The following PDSS2 variants were observed in gnomAD, a reference collection of about 807,000 sequenced individuals.
PDSS2 encodes decaprenyl diphosphate synthase subunit 2, also known as all trans-polyprenyl-diphosphate synthase PDSS2.
Under a neutral mutation model 44.5 loss-of-function variants are expected in PDSS2, and 31 were observed. That is an observed-to-expected ratio of 0.70 (90% CI 0.52 to 0.94). The LOEUF is 0.94. PDSS2 is among the 40% of genes least tolerant of loss of function. The pLI, the probability that PDSS2 is intolerant of heterozygous loss-of-function variation, is 0.00. For synonymous variants in PDSS2, 157 were observed against 180.3 expected (o/e 0.87, Z 1.03); for missense variants, 452 against 482.2 (o/e 0.94, Z 0.59).
At chr6:107,397,443 T>C (rs1300412706) in intron 1 of PDSS2, among the ~76,000 whole-genome samples, 2 of 152,158 alleles carry the variant, frequency 1.3e-5, no homozygotes, top group East Asian at 3.9e-4. Context: ...AATGGTGAAA[T>C]TTATTAACTT....
intron 1 of PDSS2, among the ~76,000 whole-genome samples, chr6:107,439,429 A>G (rs1289143595): frequency 1.3e-5 from 2 of 152,246 alleles, no homozygotes; most frequent in African/African-American, 4.8e-5. Flanking sequence ...ATTAAATTGC[A>G]TATCAGATCA....
chr6:107,414,281 C>T (rs985405147), intron 1 of PDSS2, among the ~76,000 whole-genome samples: 4 of 152,150 alleles, frequency 2.6e-5, no homozygotes, highest in African/African-American at 4.8e-5. Context: ...GTAATTATTC[C>T]TAAAATGGAG....
intron 1 of PDSS2, among the ~76,000 whole-genome samples, chr6:107,449,144 C>T (rs1781783999): frequency 6.6e-6 from 1 of 152,240 alleles, no homozygotes; most frequent in African/African-American, 2.4e-5. Context: ...TTTGTATTTA[C>T]ACTCCTCCCT....
chr6:107,170,509 G>C (rs558655854), intron 7 of PDSS2, among the ~76,000 whole-genome samples: 1 of 152,008 alleles, frequency 6.6e-6, no homozygotes, highest in Admixed American at 6.6e-5. Context: ...AGATGAACCC[G>C]GTACCTCAGT....
chr6:107,162,889 G>A (rs1554246949), intron 7 of PDSS2, among the ~76,000 whole-genome samples: 1 of 152,148 alleles, frequency 6.6e-6, no homozygotes, highest in African/African-American at 2.4e-5. Flanking sequence ...ACAGGCATGA[G>A]CCACTGTGCC....
At chr6:107,268,063 AAGGT>A (rs1305359210) in intron 3 of PDSS2, among the ~76,000 whole-genome samples, 1 of 152,156 alleles carries the variant, frequency 6.6e-6, no homozygotes, top group Non-Finnish European at 1.5e-5. Flanking sequence ...ACATGATGAG[AAGGT>A]AGGGCAGAAT....
Position 107,264,340 on chromosome 6 carries a change from T to C in PDSS2, c.630+9689A>G, listed in dbSNP as rs994810868. The stretch of plus-strand genomic sequence containing the variant: ...TTAACATAAGGAAATACATCAGCTA[T>C]GTAAAGAGTACATCTGTGCCACTGG... On this transcript the variant is annotated intron_variant, in intron 3 of 7. Transcript: ENST00000369037. 4.6e-5 allele frequency: 69 copies of C among 1,499,196 alleles called. 1 individual carries two copies. The highest frequency in any genetic ancestry group is 2.4e-5 in the Admixed American group (1 of 42,148). 92.9% of individuals were successfully genotyped at this position (1,499,196 alleles called of 1,614,324 possible). A position where few individuals can be genotyped will look rare whatever the true frequency, so the allele number is the denominator to read the frequency against.
Position 107,429,937 on chromosome 6 carries a change from T to TATATATATATATAC in PDSS2, c.296+29052_296+29053insGTATATATATATAT, listed in dbSNP as rs1316596170. On this transcript the variant is annotated intron_variant, in intron 1 of 7. Coordinates refer to ENST00000369037, the MANE Select transcript of PDSS2 (RefSeq NM_020381.4). ...ATATATATATATATATATATATATA[T>TATATATATATATAC]ACACCAAACCCAGAAAGAAAGATTT... Among the ~76,000 whole-genome samples the TATATATATATATAC allele has an allele frequency of 4.0e-5, 4 of 99,648 alleles. 1 individual carries two copies. Among genetic ancestry groups the TATATATATATATAC allele is most frequent in the East Asian group, 6.3e-4 (2 of 3,184 alleles). The allele number at this position is 99,648 out of a possible 152,430, so 65.4% of individuals were successfully genotyped here. A position where few individuals can be genotyped will look rare whatever the true frequency, so the allele number is the denominator to read the frequency against.
chr6:107,241,381 T>C (rs1438747719), intron 4 of PDSS2, among the ~76,000 whole-genome samples: 2 of 133,418 alleles, frequency 1.5e-5, no homozygotes, highest in Non-Finnish European at 3.1e-5. Flanking sequence ...GGAGCCTCGC[T>C]CTGTCCCCAG....
chr6:107,407,920 C>T (rs1030598274), intron 1 of PDSS2, among the ~76,000 whole-genome samples: 1 of 151,990 alleles, frequency 6.6e-6, no homozygotes, highest in East Asian at 1.9e-4. Flanking sequence ...AGGCTGATTT[C>T]GAGCTCCTGA....
At chr6:107,411,416 A>G (rs1388298446) in intron 1 of PDSS2, among the ~76,000 whole-genome samples, 2 of 152,222 alleles carry the variant, frequency 1.3e-5, no homozygotes, top group Admixed American at 1.3e-4. Context: ...GTTTTTACCA[A>G]TGTGACAGGT....
intron 1 of PDSS2, among the ~76,000 whole-genome samples, chr6:107,433,017 ATGTGGTATGTATCTTTCTGTTCTGACT>A (rs1405455340): frequency 1.3e-5 from 2 of 152,120 alleles, no homozygotes; most frequent in African/African-American, 4.8e-5. Context: ...TAAGTGGGAC[ATGTGGTATGTATCTTTCTGTTCTGACT>A]TATTTCACAA....
At chr6:107,249,278 C>T (rs1023032644) in intron 3 of PDSS2, among the ~76,000 whole-genome samples, 12 of 152,098 alleles carry the variant, frequency 7.9e-5, no homozygotes, top group Non-Finnish European at 1.6e-4. Context: ...ACAAGCCTTG[C>T]GTAGATGAAC....
chr6:107,217,551 A>C lies in PDSS2; in HGVS notation c.703-5269T>G, dbSNP rs1035063854. ...CTTGATTTAGTGACTTCTGACCAAT[A>C]AAAAAAAAAAACTCTCAGCTTCCCT... On this transcript the variant is annotated intron_variant, in intron 4 of 7. Transcript: ENST00000369037. Among the ~76,000 whole-genome samples the C allele has an allele frequency of 4.2e-5, 6 of 144,448 alleles. No homozygotes were observed. The Admixed American group carries it at 4.2e-4, about 10-fold the overall frequency. The allele number at this position is 144,448 out of a possible 152,430, so 94.8% of individuals were successfully genotyped here.
chr6:107,431,996 C>T (rs948407852), intron 1 of PDSS2, among the ~76,000 whole-genome samples: 1 of 152,216 alleles, frequency 6.6e-6, no homozygotes, highest in Non-Finnish European at 1.5e-5. Flanking sequence ...TACAGAACTG[C>T]TTCCCTAAAC....
At chr6:107,274,672 T>C (rs1208580758) in intron 2 of PDSS2, among the ~76,000 whole-genome samples, 3 of 148,894 alleles carry the variant, frequency 2.0e-5, no homozygotes, top group East Asian at 2.0e-4. Flanking sequence ...TCTCTCTTTT[T>C]TTTTTTTTTT....
chr6:107,323,298 A>G (rs1689063038), intron 2 of PDSS2, among the ~76,000 whole-genome samples: 1 of 152,182 alleles, frequency 6.6e-6, no homozygotes, highest in African/African-American at 2.4e-5. Flanking sequence ...GAGGTCAAAG[A>G]CTATTTCTTA....
intron 7 of PDSS2, among the ~76,000 whole-genome samples, chr6:107,172,853 C>T (rs1432482579): frequency 3.3e-5 from 5 of 150,506 alleles, no homozygotes; most frequent in African/African-American, 4.9e-5. Context: ...TGGCTGGGCA[C>T]GGCAGCTCAC....
At position 107,291,551 on chromosome 6, in the gene PDSS2, C is replaced by CGGG. The variant is rs71012792; in HGVS notation, c.432-17327_432-17325dup. ...TTTTTTTTTTTTTTTTAAGTAGAGA[C>CGGG]GGGGGGGTCTCACTATGTTGCCCAG... On this transcript the variant is annotated intron_variant, in intron 2 of 7. Coordinates refer to ENST00000369037, the MANE Select transcript of PDSS2 (RefSeq NM_020381.4). Among the ~76,000 whole-genome samples, 449 of 144,142 alleles carry CGGG rather than the reference C, an allele frequency of 3.1e-3. 2 individuals are homozygous for CGGG. Among genetic ancestry groups the CGGG allele is most frequent in the Non-Finnish European group, 4.4e-3 (289 of 66,074 alleles). The allele number at this position is 144,142 out of a possible 152,430, so 94.6% of individuals were successfully genotyped here. A position where few individuals can be genotyped will look rare whatever the true frequency, so the allele number is the denominator to read the frequency against.
Sources: gnomAD v4.1 joint callset for allele counts (sites outside exome capture counted in the v4.1 genomes callset) on GRCh38, gnomAD v4.1.1 for gene constraint, MANE v1.5 for transcripts, NCBI Gene and HGNC (gene_info 2026-07-23, HGNC 2026-07-21) for gene names.